Variants in NTM observed in about 807,000 individuals in gnomAD.
NTM encodes IgLON family member 2.
A neutral mutation model predicts 42.1 loss-of-function variants in NTM; 13 were observed. The observed-to-expected ratio is 0.31, with a 90% CI of 0.20 to 0.49. The LOEUF (loss-of-function observed/expected upper bound fraction) is 0.49. Among genes scored for constraint, NTM ranks in the 20% least tolerant of loss-of-function variants. The pLI is 0.99. For synonymous variants in NTM, 187 were observed against 179.2 expected, an observed-to-expected ratio of 1.04 and a Z score of -0.35; for missense variants, 373 against 452.8, an observed-to-expected ratio of 0.82 and a Z score of 1.60.
chr11:132,065,379 G>A (rs190153695), intron 2 of NTM, among the ~76,000 whole-genome samples: 8 of 152,234 alleles, frequency 5.3e-5, no homozygotes, highest in East Asian at 3.9e-4. Context: ...AAGGCACAGC[G>A]TGTAGAATAT....
chr11:132,073,867 T>G (rs987449699), intron 2 of NTM, among the ~76,000 whole-genome samples: 4 of 152,214 alleles, frequency 2.6e-5, no homozygotes, highest in Non-Finnish European at 1.5e-5. Flanking sequence ...GTTTGGGGTT[T>G]GCTCCACCAT....
chr11:131,524,545 T>C (rs1164457843), intron 1 of NTM, among the ~76,000 whole-genome samples: 1 of 152,202 alleles, frequency 6.6e-6, no homozygotes, highest in Non-Finnish European at 1.5e-5. Context: ...AGAACAGTTT[T>C]GAAGTAGAAA....
chr11:131,547,320 A>G (rs1286277664), intron 1 of NTM, among the ~76,000 whole-genome samples: 3 of 152,210 alleles, frequency 2.0e-5, no homozygotes, highest in African/African-American at 7.2e-5. Flanking sequence ...AACATTTAAC[A>G]AAAAGAGAAA....
At chr11:132,145,238 A>C (rs2070124760) in intron 2 of NTM, among the ~76,000 whole-genome samples, 1 of 152,226 alleles carries the variant, frequency 6.6e-6, no homozygotes, top group Non-Finnish European at 1.5e-5. Flanking sequence ...TAAAGCAGAG[A>C]ATGGGTAAGA....
intron 2 of NTM, among the ~76,000 whole-genome samples, chr11:131,958,787 C>T (rs375159829): frequency 4.6e-5 from 7 of 152,262 alleles, no homozygotes; most frequent in East Asian, 1.9e-4. Context: ...GTACTACTCT[C>T]GCGAGTTCTT....
intron 1 of NTM, among the ~76,000 whole-genome samples, chr11:131,847,368 A>T (rs2045035124): frequency 6.6e-6 from 1 of 152,120 alleles, no homozygotes; most frequent in Admixed American, 6.6e-5. Context: ...ATTGAGAAGA[A>T]GTAGAAGGGA....
intron 1 of NTM, among the ~76,000 whole-genome samples, chr11:131,435,271 G>A (rs1452673116): frequency 5.9e-5 from 9 of 152,124 alleles, no homozygotes; most frequent in East Asian, 1.9e-4. Flanking sequence ...TTGGCAATGC[G>A]GGCTCTTTTT....
At chr11:131,403,582 G>A (rs572060397) in intron 1 of NTM, among the ~76,000 whole-genome samples, 2 of 152,254 alleles carry the variant, frequency 1.3e-5, no homozygotes, top group African/African-American at 4.8e-5. Flanking sequence ...TAAAATCTCA[G>A]AGTAACAAAT....
intron 2 of NTM, among the ~76,000 whole-genome samples, chr11:131,925,456 C>G (rs952863901): frequency 1.4e-5 from 2 of 146,988 alleles, no homozygotes; most frequent in African/African-American, 5.1e-5. Flanking sequence ...GCAGTCTCAG[C>G]TCACTGCAGC....
At chr11:131,497,873 A>G (rs1216050899) in intron 1 of NTM, among the ~76,000 whole-genome samples, 1 of 152,112 alleles carries the variant, frequency 6.6e-6, no homozygotes, top group African/African-American at 2.4e-5. Flanking sequence ...CCTGTTCTGT[A>G]ACCATCCCTC....
At chr11:132,313,402 C>T (rs546504267) in intron 6 of NTM, among the ~76,000 whole-genome samples, 1 of 152,216 alleles carries the variant, frequency 6.6e-6, no homozygotes, top group South Asian at 2.1e-4. Context: ...AGCTGTGCTC[C>T]AGCCAGGCCC....
At position 132,254,647 on chromosome 11, in the gene NTM, C is replaced by T. The variant is rs1353591251; in HGVS notation, c.526+42500C>T. ...AATGTGATCCCTTCTCTCTCTCCCA[C>T]TTCTATAAAAGACTCGGTTTCTGCA... On this transcript the variant is annotated intron_variant, in intron 4 of 8. Coordinates refer to ENST00000683400, the MANE Select transcript of NTM (RefSeq NM_001352005.2). Among the ~76,000 whole-genome samples, 4 of 152,114 alleles carry T rather than the reference C, an allele frequency of 2.6e-5. No homozygotes were observed. The East Asian group carries it at 7.7e-4, about 29-fold the overall frequency.
At chr11:131,780,918 A>G (rs1213500037) in intron 1 of NTM, among the ~76,000 whole-genome samples, 2 of 152,192 alleles carry the variant, frequency 1.3e-5, no homozygotes, top group East Asian at 3.9e-4. Flanking sequence ...TTGTGAAAAG[A>G]TTTGCTGGAA....
chr11:132,044,782 G>A lies in NTM; in HGVS notation c.168-101500G>A, dbSNP rs57998856. ...GAAGGAAGAACTAGAAAATCTAGAC[G>A]AAATGGATAAATTCCTGGACACAGG... On this transcript the variant is annotated intron_variant, in intron 2 of 8. Coordinates refer to ENST00000683400, the MANE Select transcript of NTM (RefSeq NM_001352005.2). Among the ~76,000 whole-genome samples the A allele has an allele frequency of 2.3e-3, 348 of 152,224 alleles. 1 individual carries two copies. Among genetic ancestry groups the A allele is most frequent in the African/African-American group, 7.7e-3 (318 of 41,542 alleles).
intron 2 of NTM, among the ~76,000 whole-genome samples, chr11:132,050,883 T>G (rs569508445): frequency 6.6e-6 from 1 of 152,366 alleles, no homozygotes; most frequent in Admixed American, 6.5e-5. Context: ...TTACATGTCT[T>G]GCCTCCAGCC....
At chr11:132,178,994 A>G (rs1489927876) in intron 3 of NTM, among the ~76,000 whole-genome samples, 3 of 152,186 alleles carry the variant, frequency 2.0e-5, no homozygotes, top group Non-Finnish European at 4.4e-5. Context: ...TTACTTTTTT[A>G]TTCCTGGTCT....
chr11:131,421,642 T>A (rs948215993), intron 1 of NTM, among the ~76,000 whole-genome samples: 2 of 152,188 alleles, frequency 1.3e-5, no homozygotes, highest in Non-Finnish European at 2.9e-5. Context: ...ATTTAGACTC[T>A]CCCTTTCTCA....
intron 1 of NTM, among the ~76,000 whole-genome samples, chr11:131,564,425 G>A (rs150222514): frequency 6.9e-6 from 1 of 144,314 alleles, no homozygotes; most frequent in South Asian, 2.1e-4. Context: ...TCACATAGTA[G>A]AGGGATAGGG....
chr11:131,547,222 A>G (rs1241022463), intron 1 of NTM, among the ~76,000 whole-genome samples: 1 of 152,228 alleles, frequency 6.6e-6, no homozygotes, highest in Non-Finnish European at 1.5e-5. Context: ...GCTGACCCAC[A>G]AGTCAGTGAA....
Sources: allele counts gnomAD v4.1 joint callset (sites outside exome capture counted in the v4.1 genomes callset), GRCh38; gene constraint gnomAD v4.1.1; transcripts MANE v1.5; gene names NCBI Gene and HGNC (gene_info 2026-07-23, HGNC 2026-07-21).